Variants in ROBO1 observed in about 807,000 individuals in gnomAD.
ROBO1 encodes the protein roundabout guidance receptor 1.
A neutral mutation model predicts 195.9 loss-of-function variants in ROBO1; 149 were observed. The observed-to-expected ratio is 0.76, with a 90% confidence interval of 0.67 to 0.87. ROBO1 has a LOEUF of 0.87. Ranked by LOEUF, ROBO1 falls within the 40% of genes least tolerant of loss-of-function variation. The probability of loss-of-function intolerance (pLI) is 0.00; values close to 1 mark genes in which losing one functional copy is unlikely to be tolerated. For synonymous variants in ROBO1, 816 were observed against 733.2 expected, an observed-to-expected ratio of 1.11 and a Z score of -1.82; for missense variants, 1,933 against 2,068.3, an observed-to-expected ratio of 0.93 and a Z score of 1.27.
intron 2 of ROBO1, among the ~76,000 whole-genome samples, chr3:79,486,360 T>C (rs1243070402): frequency 6.6e-6 from 1 of 152,198 alleles, no homozygotes; most frequent in Non-Finnish European, 1.5e-5. Flanking sequence ...TATACCGATT[T>C]CTTTGCCCTG....
intron 4 of ROBO1, among the ~76,000 whole-genome samples, chr3:78,914,664 T>C (rs2038448203): frequency 1.4e-5 from 2 of 148,144 alleles, no homozygotes; most frequent in South Asian, 4.2e-4. Context: ...TTTAATTTTA[T>C]ATAAAATTTA....
At chr3:78,968,543 G>A (rs1004921594) in intron 3 of ROBO1, among the ~76,000 whole-genome samples, 2 of 151,254 alleles carry the variant, frequency 1.3e-5, no homozygotes, top group Non-Finnish European at 2.9e-5. Flanking sequence ...TTCTCAAAGT[G>A]CTAAGATTAC....
At chr3:79,238,989 C>T (rs934099832) in intron 2 of ROBO1, among the ~76,000 whole-genome samples, 3 of 152,126 alleles carry the variant, frequency 2.0e-5, no homozygotes, top group Non-Finnish European at 4.4e-5. Flanking sequence ...ATGTCACTTG[C>T]CTTAAAGATA....
intron 8 of ROBO1, among the ~76,000 whole-genome samples, chr3:78,701,360 T>G (rs188212853): frequency 5.1e-4 from 77 of 152,280 alleles, no homozygotes; most frequent in African/African-American, 1.7e-3. Context: ...ATAGAAACAA[T>G]GATAAAGCAG....
At chr3:78,948,734 G>T (rs2040597930) in intron 3 of ROBO1, among the ~76,000 whole-genome samples, 1 of 152,178 alleles carries the variant, frequency 6.6e-6, no homozygotes, top group South Asian at 2.1e-4. Flanking sequence ...GTCCCTCTTT[G>T]CAGATGACAT....
intron 2 of ROBO1, among the ~76,000 whole-genome samples, chr3:79,153,832 A>G (rs181076859): frequency 6.6e-5 from 10 of 150,982 alleles, no homozygotes; most frequent in African/African-American, 1.9e-4. Flanking sequence ...ATATCATTAC[A>G]TTTTATCCTT....
intron 2 of ROBO1, among the ~76,000 whole-genome samples, chr3:79,503,183 C>CTGA (rs1446367767): frequency 6.6e-6 from 1 of 152,094 alleles, no homozygotes; most frequent in Non-Finnish European, 1.5e-5. Flanking sequence ...CTTCTGAAGC[C>CTGA]AGCGAGACTA....
In ROBO1 at chr3:78,956,456, GA is replaced by G. The variant is rs369285599; in HGVS notation, c.173-17530del. Among the ~76,000 whole-genome samples the G allele has an allele frequency of 1.1e-3, 172 of 151,970 alleles. 4 individuals are homozygous for G. The highest frequency in any genetic ancestry group is 3.1e-3 in the Admixed American group (48 of 15,262). On this transcript the variant is annotated intron_variant, in intron 3 of 30. Coordinates refer to ENST00000464233, the MANE Select transcript of ROBO1 (RefSeq NM_002941.4). The stretch of plus-strand genomic sequence containing the variant: ...AGTGGTGTAATTCTTAATTTTGAAG[GA>G]AAAAAGCCATAAAAACCAGTTTTGT...
At chr3:79,233,508 G>A (rs1423856596) in intron 2 of ROBO1, among the ~76,000 whole-genome samples, 1 of 152,100 alleles carries the variant, frequency 6.6e-6, no homozygotes, top group Non-Finnish European at 1.5e-5. Flanking sequence ...GTTGAGAAGT[G>A]AACCTGATTA....
intron 1 of ROBO1, among the ~76,000 whole-genome samples, chr3:79,711,932 T>G (rs13067460): frequency 0.62 from 79,967 of 128,724 alleles, 23,633 homozygotes; most frequent in Middle Eastern, 0.72. Context: ...GGCGGGTGGG[T>G]GGGGGAGCAC....
At chr3:79,595,647 A>T (rs978982688) in intron 1 of ROBO1, among the ~76,000 whole-genome samples, 3 of 151,794 alleles carry the variant, frequency 2.0e-5, no homozygotes, top group African/African-American at 7.2e-5. Context: ...TCCTCCTGAG[A>T]CATGTCTCAG....
chr3:79,350,014 T>C (rs1218311173), intron 2 of ROBO1, among the ~76,000 whole-genome samples: 1 of 152,156 alleles, frequency 6.6e-6, no homozygotes, highest in Non-Finnish European at 1.5e-5. Flanking sequence ...ACCCACGGAA[T>C]GGGAGAAAAT....
chr3:79,680,491 T>C (rs1946912284), intron 1 of ROBO1, among the ~76,000 whole-genome samples: 1 of 151,950 alleles, frequency 6.6e-6, no homozygotes, highest in Non-Finnish European at 1.5e-5. Context: ...ATACATAAAA[T>C]GGAACTGAAA....
chr3:79,214,549 T>C (rs562590693), intron 2 of ROBO1, among the ~76,000 whole-genome samples: 1 of 152,044 alleles, frequency 6.6e-6, no homozygotes, highest in East Asian at 1.9e-4. Flanking sequence ...ATATAAAGTT[T>C]TTCACACAAT....
chr3:79,606,180 G>A (rs1005352291), intron 1 of ROBO1, among the ~76,000 whole-genome samples: 13 of 151,626 alleles, frequency 8.6e-5, no homozygotes, highest in Admixed American at 6.6e-4. Context: ...AATGCAATGC[G>A]CTATTGTGTA....
chr3:78,659,846 C>A, intron 16 of ROBO1, 39 bp from the exon 17 acceptor site: 1 of 1,542,814 alleles, frequency 6.5e-7, no homozygotes, highest in South Asian at 1.2e-5. Flanking sequence ...TTAGAATGTG[C>A]TAGAGAACAC....
chr3:79,457,582 C>T (rs1040776390), intron 2 of ROBO1, among the ~76,000 whole-genome samples: 1 of 152,056 alleles, frequency 6.6e-6, no homozygotes, highest in African/African-American at 2.4e-5. Flanking sequence ...CTCCCATAAT[C>T]CCCATGTGTC....
At chr3:79,607,811 G>A (rs1055302984) in intron 1 of ROBO1, among the ~76,000 whole-genome samples, 3 of 151,842 alleles carry the variant, frequency 2.0e-5, no homozygotes, top group African/African-American at 4.8e-5. Flanking sequence ...GCATACTCAC[G>A]TGCGTGGCTC....
intron 2 of ROBO1, among the ~76,000 whole-genome samples, chr3:79,128,107 A>C (rs557535541): frequency 6.6e-6 from 1 of 152,322 alleles, no homozygotes; most frequent in Middle Eastern, 3.4e-3. Context: ...ACATTTACTT[A>C]AATTTTTGGT....
Sources: allele counts gnomAD v4.1 joint callset (sites outside exome capture counted in the v4.1 genomes callset), GRCh38; gene constraint gnomAD v4.1.1; transcripts MANE v1.5; gene names NCBI Gene and HGNC (gene_info 2026-07-23, HGNC 2026-07-21).